TASP1: variants seen among roughly 807,000 people sequenced by gnomAD.
TASP1 encodes the protein taspase 1.
A neutral mutation model predicts 56.6 loss-of-function variants in TASP1; 16 were observed. The observed-to-expected ratio is 0.28, with a 90% CI of 0.19 to 0.43. The LOEUF is 0.43. Ranked by LOEUF, TASP1 falls within the 20% of genes least tolerant of loss-of-function variation. The probability of loss-of-function intolerance (pLI) is 1.00; values close to 1 mark genes in which losing one functional copy is unlikely to be tolerated. For synonymous variants in TASP1, 179 were observed against 184.2 expected, an observed-to-expected ratio of 0.97 and a Z score of 0.23; for missense variants, 393 against 511.6, an observed-to-expected ratio of 0.77 and a Z score of 2.24.
At chr20:13,144,772 T>C in the TASP1 span, among the ~76,000 whole-genome samples, 1 of 152,074 alleles carries the variant, frequency 6.6e-6, no homozygotes, top group African/African-American at 2.4e-5. Context: ...TGTGTGTATA[T>C]ATATATACAC....
intron 8 of TASP1, among the ~76,000 whole-genome samples, chr20:13,540,689 T>A (rs1360651749): frequency 1.3e-5 from 2 of 152,140 alleles, no homozygotes; most frequent in African/African-American, 4.8e-5. Flanking sequence ...TGAAAAAGAA[T>A]CAGAAAATTG....
At chr20:13,583,673 C>T (rs2047203669) in intron 5 of TASP1, among the ~76,000 whole-genome samples, 2 of 152,310 alleles carry the variant, frequency 1.3e-5, no homozygotes, top group South Asian at 4.1e-4. Flanking sequence ...GATTTAAAAG[C>T]ATAGACCTCA....
the TASP1 span, among the ~76,000 whole-genome samples, chr20:13,277,123 G>A: frequency 6.6e-6 from 1 of 152,024 alleles, no homozygotes. Flanking sequence ...ATTTTGTTTG[G>A]ATCTGAGCAG....
chr20:13,329,320 A>G, the TASP1 span, among the ~76,000 whole-genome samples: 1 of 152,222 alleles, frequency 6.6e-6, no homozygotes, highest in African/African-American at 2.4e-5. Flanking sequence ...GACTGGTGTA[A>G]GAAGAAATTA....
chr20:13,203,072 T>C, the TASP1 span, among the ~76,000 whole-genome samples: 4 of 152,204 alleles, frequency 2.6e-5, no homozygotes, highest in African/African-American at 7.2e-5. Context: ...ATTCAAATTC[T>C]AGAAGGGTTT....
chr20:13,159,982 C>A, the TASP1 span: 5 of 1,441,846 alleles, frequency 3.5e-6, no homozygotes, highest in Non-Finnish European at 4.6e-6. Context: ...TTTTTTTTTT[C>A]TTTTTTTGCT....
At chr20:13,499,474 AAAG>A (rs1315896568) in intron 10 of TASP1, among the ~76,000 whole-genome samples, 2 of 151,540 alleles carry the variant, frequency 1.3e-5, no homozygotes, top group South Asian at 2.1e-4. Flanking sequence ...AAAAAAAAAA[AAAG>A]AAAGAAAGAG....
intron 11 of TASP1, among the ~76,000 whole-genome samples, chr20:13,453,970 A>C (rs377350165): frequency 4.3e-4 from 66 of 152,072 alleles, no homozygotes; most frequent in African/African-American, 1.5e-3. Context: ...GGAAAAGATG[A>C]GGAAGATGAA....
the TASP1 span, among the ~76,000 whole-genome samples, chr20:13,188,374 A>C: frequency 6.6e-6 from 1 of 152,348 alleles, no homozygotes; most frequent in East Asian, 1.9e-4. Flanking sequence ...TACAAAAATC[A>C]ATAGCATTTC....
chr20:13,417,413 A>C (rs776935681), intron 13 of TASP1, 35 bp downstream of exon 13: 2 of 1,611,882 alleles, frequency 1.2e-6, no homozygotes. Flanking sequence ...GATGGCTACA[A>C]GGTTTTCAGG....
rs6042156 is a variant in TASP1, at chr20:13,480,175, C to A, written c.985+3052G>T. ...CTGAATCCAGAAGATACGACATAGA[C>A]AGTAGCATGGCAAAAGCATTTAGAA... On this transcript the variant is annotated intron_variant, in intron 11 of 13. Transcript: ENST00000337743. 5.9e-5 allele frequency among the ~76,000 whole-genome samples: 9 copies of A among 152,032 alleles called. No homozygotes were observed. In the South Asian group the frequency reaches 6.2e-4, roughly 11 times the overall value.
the TASP1 span, among the ~76,000 whole-genome samples, chr20:13,335,010 AAATT>A: frequency 8.6e-3 from 1,315 of 152,334 alleles, 13 homozygotes; most frequent in Middle Eastern, 0.02. Flanking sequence ...CAGGAGCTCT[AAATT>A]GCTCAGTGCT....
the TASP1 span, among the ~76,000 whole-genome samples, chr20:13,142,540 G>A: frequency 6.6e-6 from 1 of 152,188 alleles, no homozygotes; most frequent in Non-Finnish European, 1.5e-5. Context: ...CAGTGTGTGG[G>A]TCTGGGCTAG....
intron 6 of TASP1, among the ~76,000 whole-genome samples, chr20:13,578,682 C>A (rs575158202): frequency 1.3e-5 from 2 of 152,210 alleles, no homozygotes; most frequent in East Asian, 3.9e-4. Context: ...TAGTCAATTG[C>A]CCCAACACAA....
chr20:13,374,504 G>A, the TASP1 span, among the ~76,000 whole-genome samples: 19 of 151,810 alleles, frequency 1.3e-4, no homozygotes, highest in South Asian at 2.1e-4. Flanking sequence ...GCCCGCCACC[G>A]CGCCCGGCTA....
chr20:13,553,206 A>C (rs2046038739), intron 8 of TASP1, among the ~76,000 whole-genome samples: 1 of 152,090 alleles, frequency 6.6e-6, no homozygotes, highest in South Asian at 2.1e-4. Flanking sequence ...CGGCCTCCCA[A>C]AGCACTGGGA....
chr20:13,255,682 A>G, the TASP1 span, among the ~76,000 whole-genome samples: 1,884 of 152,342 alleles, frequency 0.012, 18 homozygotes, highest in Middle Eastern at 0.034. Context: ...AATTACAACA[A>G]GTCATTCCCT....
the TASP1 span, among the ~76,000 whole-genome samples, chr20:13,341,365 C>T: frequency 6.6e-6 from 1 of 152,182 alleles, no homozygotes. Flanking sequence ...TAGTTAAGAA[C>T]ATGGCCTTTA....
At chr20:13,180,610 G>A in the TASP1 span, among the ~76,000 whole-genome samples, 7 of 152,110 alleles carry the variant, frequency 4.6e-5, no homozygotes, top group Non-Finnish European at 8.8e-5. Flanking sequence ...GTCTGGCATA[G>A]CTCTTCAATG....
Sources: gnomAD v4.1 joint callset for allele counts (sites outside exome capture counted in the v4.1 genomes callset) on GRCh38, gnomAD v4.1.1 for gene constraint, MANE v1.5 for transcripts, NCBI Gene and HGNC (gene_info 2026-07-23, HGNC 2026-07-21) for gene names.